The following ERI1 variants were observed in gnomAD, a reference collection of about 807,000 sequenced individuals.
The protein encoded by ERI1 is exoribonuclease 1, also known as 3'-5' exoribonuclease 1.
Under a neutral mutation model 39.7 loss-of-function variants are expected in ERI1, and 39 were observed. The observed-to-expected ratio is 0.98, with a 90% CI of 0.76 to 1.28. The LOEUF (loss-of-function observed/expected upper bound fraction) is 1.28. Ranked by LOEUF, ERI1 falls within the 50% of genes most tolerant of loss-of-function variation. The pLI is 0.00. For synonymous variants in ERI1, 204 were observed against 149.6 expected (o/e 1.36, Z -2.65); for missense variants, 581 against 416.9 (o/e 1.39, Z -3.43).
In ERI1 at chr8:9,005,743, C is replaced by G. The variant is rs533274074; in HGVS notation, c.109-2227C>G. Among the ~76,000 whole-genome samples, 7 of 152,206 alleles carry G rather than the reference C, an allele frequency of 4.6e-5. No homozygotes were observed. In the East Asian group the frequency reaches 1.4e-3, roughly 29 times the overall value. On this transcript the variant is annotated intron_variant, in intron 1 of 6. Coordinates refer to ENST00000250263, the MANE Select transcript of ERI1 (RefSeq NM_153332.4). ...TCTCCTGACCTCGTTATCCGCCCGC[C>G]TCGGCCTCCCAAAGTGCTGGGATTA...
chr8:9,094,144 C>A (rs1799797816), intron 3 of ERI1, among the ~76,000 whole-genome samples: 1 of 152,168 alleles, frequency 6.6e-6, no homozygotes, highest in African/African-American at 2.4e-5. Context: ...TTATCAAATA[C>A]AAATAGCAGA....
At position 9,025,702 on chromosome 8, in the gene ERI1, T is replaced by TTGTG. The variant is rs771883402; in HGVS notation, c.808-4069_808-4066dup. Reference sequence around the variant, plus strand: ...GACTTTTCATTTTAATCTTTTTTTTTTGTGTGTGTGTGTGTGTGTGTGTGG... The same window carrying TTGTG: ...GACTTTTCATTTTAATCTTTTTTTTTTGTGTGTGTGTGTGTGTGTGTGTGTGTGG... On this transcript the variant is annotated intron_variant, in intron 6 of 6. Coordinates refer to ENST00000250263, the MANE Select transcript of ERI1 (RefSeq NM_153332.4). Among the ~76,000 whole-genome samples the TTGTG allele has an allele frequency of 2.8e-3, 414 of 147,866 alleles. 5 individuals carry two copies. Among genetic ancestry groups the TTGTG allele is most frequent in the South Asian group, 0.019 (87 of 4,624 alleles).
Position 9,029,935 on chromosome 8 carries a change from A to C in ERI1, c.951A>C (p.Arg317=). Residue 317 remains arginine (R), a synonymous_variant, in exon 7 of 7, where the codon CGA becomes CGC. Coordinates refer to ENST00000250263, the MANE Select transcript of ERI1 (RefSeq NM_153332.4). ...TGCTTCAGGATGGGTGTGAACTCCG[A>C]ATCAACGAGAAAATGCATGCAGGAC... is the stretch of plus-strand genomic sequence containing the variant. ...VRMLQDGCEL[R]INEKMHAGQL... is the part of the protein sequence containing the mutation. 2 of 1,614,156 alleles carry C rather than the reference A, an allele frequency of 1.2e-6. No homozygotes were observed. The highest frequency in any genetic ancestry group is 1.7e-6 in the Non-Finnish European group (2 of 1,180,014).
intron 6 of ERI1, among the ~76,000 whole-genome samples, chr8:9,026,092 G>C (rs1387527773): frequency 6.6e-6 from 1 of 152,134 alleles, no homozygotes; most frequent in East Asian, 1.9e-4. Context: ...AATTAAGCAT[G>C]TGTCATGTAC....
chr8:9,055,505 A>G (rs1798479342), intron 3 of ERI1, among the ~76,000 whole-genome samples: 1 of 152,196 alleles, frequency 6.6e-6, no homozygotes, highest in Non-Finnish European at 1.5e-5. Context: ...CCCCTCTGGA[A>G]TGAGGGTCTT....
chr8:9,007,879 G>T, intron 1 of ERI1, 91 bp from the exon 2 acceptor site: 1 of 1,480,638 alleles, frequency 6.8e-7, no homozygotes. Context: ...GGCTTCAGAA[G>T]TTTGAAAGTT....
intron 6 of ERI1, 121 bp from the exon 7 acceptor site, chr8:9,029,671 T>G (rs1232950179): frequency 4.9e-6 from 6 of 1,231,202 alleles, no homozygotes; most frequent in Admixed American, 2.2e-5. Flanking sequence ...GGTATTGCCC[T>G]TTGCCTAGCT....
intron 6 of ERI1, among the ~76,000 whole-genome samples, chr8:9,022,605 G>A (rs768307765): frequency 2.0e-5 from 3 of 152,088 alleles, no homozygotes; most frequent in Non-Finnish European, 2.9e-5. Context: ...TCGCCATGTT[G>A]GTGAGGCTGG....
chr8:9,053,612 G>A (rs1375753724), intron 3 of ERI1, among the ~76,000 whole-genome samples: 1 of 152,186 alleles, frequency 6.6e-6, no homozygotes, highest in African/African-American at 2.4e-5. Context: ...TGAACCTGAA[G>A]CAGTCATGGA....
chr8:9,078,069 A>G (rs1033888448), intron 3 of ERI1, among the ~76,000 whole-genome samples: 2 of 152,260 alleles, frequency 1.3e-5, no homozygotes, highest in Non-Finnish European at 2.9e-5. Flanking sequence ...GGCTCACTGC[A>G]ACCTCCACCT....
chr8:9,048,495 A>G (rs528430636), intron 3 of ERI1: 4 of 154,430 alleles, frequency 2.6e-5, no homozygotes, highest in East Asian at 1.9e-4. Flanking sequence ...CCTTTCCTCC[A>G]TCTCCCCCAG....
rs967205934 is a variant in ERI1, at chr8:9,032,410, C to G, written c.*2376C>G. The G allele has an allele frequency of 1.3e-5, 2 of 152,100 alleles. No homozygotes were observed. Among genetic ancestry groups the G allele is most frequent in the African/African-American group, 2.4e-5 (1 of 41,404 alleles). 9.4% of individuals were successfully genotyped at this position (152,100 alleles called of 1,614,324 possible). A position where few individuals can be genotyped will look rare whatever the true frequency, so the allele number is the denominator to read the frequency against. On this transcript the variant is annotated 3_prime_UTR_variant, in exon 7 of 7. Coordinates refer to ENST00000250263, the MANE Select transcript of ERI1 (RefSeq NM_153332.4). ...TCAAATCCGCAATCTTTATAACCAA[C>G]TGAAGTATATAATAGAGCATTACAT...
intron 3 of ERI1, among the ~76,000 whole-genome samples, chr8:9,066,118 C>G (rs561872911): frequency 3.3e-5 from 5 of 152,200 alleles, no homozygotes; most frequent in African/African-American, 1.2e-4. Context: ...CTAGCTTCTT[C>G]ATTCATCTCC....
At chr8:9,013,099 C>T (rs1166659117) in intron 3 of ERI1, among the ~76,000 whole-genome samples, 1 of 151,938 alleles carries the variant, frequency 6.6e-6, no homozygotes, top group Non-Finnish European at 1.5e-5. Flanking sequence ...ACTGCAACCT[C>T]CACCTCCTGG....
At chr8:9,087,146 T>C (rs1171175807) in intron 3 of ERI1, among the ~76,000 whole-genome samples, 3 of 152,128 alleles carry the variant, frequency 2.0e-5, no homozygotes, top group African/African-American at 7.2e-5. Context: ...ACCCATCATC[T>C]AGGTTTTAAG....
At chr8:9,044,685 C>G (rs947309576) in intron 3 of ERI1, among the ~76,000 whole-genome samples, 2 of 151,924 alleles carry the variant, frequency 1.3e-5, no homozygotes, top group African/African-American at 4.8e-5. Context: ...GAGAAGCAAT[C>G]GTTTACCAAG....
At chr8:9,054,012 C>G (rs1215509166) in intron 3 of ERI1, among the ~76,000 whole-genome samples, 2 of 152,168 alleles carry the variant, frequency 1.3e-5, no homozygotes, top group Non-Finnish European at 2.9e-5. Context: ...CTGTGGCATT[C>G]AAAGTTCTAA....
chr8:9,003,286 C>T, intron 1 of ERI1, 115 bp downstream of exon 1: 1 of 576,162 alleles, frequency 1.7e-6, no homozygotes, highest in Non-Finnish European at 2.6e-6. Context: ...CGCCCTTGGA[C>T]CCCAGCCTCT....
chr8:9,093,678 C>G (rs779590602), intron 3 of ERI1, among the ~76,000 whole-genome samples: 26 of 152,198 alleles, frequency 1.7e-4, no homozygotes, highest in Non-Finnish European at 3.1e-4. Flanking sequence ...AGCAATTCTC[C>G]TTCCTCAGCC....
Sources: gnomAD v4.1 joint callset for allele counts (sites outside exome capture counted in the v4.1 genomes callset) on GRCh38, gnomAD v4.1.1 for gene constraint, MANE v1.5 for transcripts, NCBI Gene and HGNC (gene_info 2026-07-23, HGNC 2026-07-21) for gene names.